Variants in HEATR4 observed in about 807,000 individuals in gnomAD.
HEATR4 encodes the protein HEAT repeat containing 4, also known as HEAT repeat-containing protein 4.
In HEATR4, 95 loss-of-function variants were observed where a neutral mutation model predicts 108.8. The ratio of observed to expected loss-of-function variants is 0.87; its 90% CI spans 0.74 to 1.04. The LOEUF (loss-of-function observed/expected upper bound fraction) is 1.04, where lower values mean the gene tolerates loss of function less well. Among genes scored for constraint, HEATR4 ranks in the 50% least tolerant of loss-of-function variants. The probability of loss-of-function intolerance (pLI) is 0.00; values close to 1 mark genes in which losing one functional copy is unlikely to be tolerated. For synonymous variants in HEATR4, 443 were observed against 459.4 expected (o/e 0.96, Z 0.46); for missense variants, 1,152 against 1,253.8 (o/e 0.92, Z 1.23).
intron 15 of HEATR4, among the ~76,000 whole-genome samples, chr14:73,495,803 T>C (rs1445197413): frequency 6.6e-6 from 1 of 152,142 alleles, no homozygotes; most frequent in Non-Finnish European, 1.5e-5. Flanking sequence ...TCCCCTCTAT[T>C]CCTTCATCTT....
chr14:73,615,394 A>C, the HEATR4 span, among the ~76,000 whole-genome samples: 5 of 116,646 alleles, frequency 4.3e-5, no homozygotes, highest in South Asian at 3.8e-4. Context: ...CTGATAAAAA[A>C]AAAAAAAAAA....
chr14:73,511,525 A>G (rs1181949433), intron 7 of HEATR4, among the ~76,000 whole-genome samples: 10 of 80,376 alleles, frequency 1.2e-4, no homozygotes, highest in Middle Eastern at 6.5e-3. Context: ...TCTCAAAAAT[A>G]AATAAATAAA....
At chr14:73,592,224 C>A in the HEATR4 span, 16 of 1,612,968 alleles carry the variant, frequency 9.9e-6, no homozygotes, top group Admixed American at 2.3e-4. Context: ...ACCCGAGAAG[C>A]CTTTTTGGCG....
Position 73,522,951 on chromosome 14 carries a change from C to T in HEATR4, c.202G>A (p.Ala68Thr). ...HRKSQYLKMA[A>T]ANLTFSQEVV... ...TCCTGAGAGAAGGTAAGGTTTGCAG[C>T]AGCCATTTTCAAATATTGGCTCTTG... Residue 68 changes from alanine (A) to threonine (T), a missense_variant, in exon 3 of 18, where the codon GCT (alanine) becomes ACT (threonine). Transcript: ENST00000553558. 2.5e-6 allele frequency: 4 copies of T among 1,614,240 alleles called. No homozygotes were observed. The highest frequency in any genetic ancestry group is 2.7e-5 in the African/African-American group (2 of 75,052).
chr14:73,592,150 G>A, the HEATR4 span: 98 of 1,593,854 alleles, frequency 6.1e-5, no homozygotes, highest in Non-Finnish European at 8.3e-5. Flanking sequence ...GACCTGGAGC[G>A]CGCACCCGCG....
intron 1 of HEATR4, among the ~76,000 whole-genome samples, chr14:73,535,355 ATCT>A (rs1292292056): frequency 8.8e-6 from 1 of 113,582 alleles, no homozygotes; most frequent in Non-Finnish European, 1.9e-5. Flanking sequence ...TCTTTTCCAA[ATCT>A]TCTTCAACAT....
the HEATR4 span, chr14:73,574,426 C>T: frequency 4.6e-3 from 1,110 of 241,962 alleles, 19 homozygotes; most frequent in African/African-American, 0.023. Flanking sequence ...CACTACTGCC[C>T]GGCTAATTCT....
At chr14:73,587,797 T>C in the HEATR4 span, among the ~76,000 whole-genome samples, 1 of 152,238 alleles carries the variant, frequency 6.6e-6, no homozygotes, top group South Asian at 2.1e-4. Context: ...ATTTTGAGGA[T>C]TGAAGATAAA....
At chr14:73,508,777 A>AAAAAAT (rs71305819) in intron 8 of HEATR4, among the ~76,000 whole-genome samples, 2 of 150,046 alleles carry the variant, frequency 1.3e-5, no homozygotes, top group African/African-American at 4.9e-5. Flanking sequence ...AAAAAAAAAA[A>AAAAAAT]TTTAGTCCAG....
chr14:73,586,704 A>G, the HEATR4 span, among the ~76,000 whole-genome samples: 405 of 96,790 alleles, frequency 4.2e-3, 2 homozygotes, highest in African/African-American at 0.043. Context: ...CTCTGTCTGA[A>G]AAAAAAAAAA....
the HEATR4 span, among the ~76,000 whole-genome samples, chr14:73,620,572 TC>T: frequency 6.6e-6 from 1 of 151,938 alleles, no homozygotes; most frequent in South Asian, 2.1e-4. Flanking sequence ...TCTGCCTCAT[TC>T]TTTTTTTTTT....
the HEATR4 span, among the ~76,000 whole-genome samples, chr14:73,572,307 A>G: frequency 6.6e-6 from 1 of 151,546 alleles, no homozygotes; most frequent in East Asian, 1.9e-4. Context: ...AACTACAGCT[A>G]CAAGAATCAA....
intron 1 of HEATR4, among the ~76,000 whole-genome samples, chr14:73,533,762 A>G (rs1374417452): frequency 9.0e-6 from 1 of 111,348 alleles, no homozygotes; most frequent in Non-Finnish European, 1.9e-5. Context: ...AAATGGTTAA[A>G]ATGGGCTTGT....
At chr14:73,628,056 G>A in the HEATR4 span, among the ~76,000 whole-genome samples, 1 of 151,782 alleles carries the variant, frequency 6.6e-6, no homozygotes, top group African/African-American at 2.4e-5. Flanking sequence ...TGATCTGCCC[G>A]CCTTGGCCTC....
At chr14:73,569,242 TGTCTA>T in the HEATR4 span, 1 of 1,613,204 alleles carries the variant, frequency 6.2e-7, no homozygotes, top group Non-Finnish European at 8.5e-7. Flanking sequence ...CCCGAGAGGA[TGTCTA>T]ACAAGCTTCT....
chr14:73,575,608 A>T, the HEATR4 span: 1 of 1,568,916 alleles, frequency 6.4e-7, no homozygotes, highest in Non-Finnish European at 8.6e-7. Context: ...TTTTGTTTTT[A>T]ATAACTAAAG....
chr14:73,587,362 T>G, the HEATR4 span, among the ~76,000 whole-genome samples: 4 of 102,706 alleles, frequency 3.9e-5, no homozygotes, highest in Non-Finnish European at 5.2e-5. Flanking sequence ...ATCCACTTTT[T>G]TTTTTTTTGA....
upstream of HEATR4, among the ~76,000 whole-genome samples, chr14:73,562,358 G>C (rs900637997): frequency 6.6e-6 from 1 of 152,142 alleles, no homozygotes; most frequent in East Asian, 1.9e-4. Context: ...CGTAAGCTGA[G>C]GATGTACATA....
upstream of HEATR4, among the ~76,000 whole-genome samples, chr14:73,559,395 C>A (rs1240487964): frequency 1.3e-5 from 2 of 151,556 alleles, no homozygotes; most frequent in African/African-American, 4.8e-5. Flanking sequence ...CTGGGATTTG[C>A]AACTGTGAGC....
Sources: gnomAD v4.1 joint callset for allele counts (sites outside exome capture counted in the v4.1 genomes callset) on GRCh38, gnomAD v4.1.1 for gene constraint, MANE v1.5 for transcripts, NCBI Gene and HGNC (gene_info 2026-07-23, HGNC 2026-07-21) for gene names.